Variants in COTL1 observed in about 807,000 individuals in gnomAD.
COTL1 encodes coactosin-like protein.
A neutral mutation model predicts 16.5 loss-of-function variants in COTL1; 15 were observed. The observed-to-expected ratio is 0.91, with a 90% CI of 0.61 to 1.40. The LOEUF (loss-of-function observed/expected upper bound fraction) is 1.40, where lower values mean the gene tolerates loss of function less well. Ranked by LOEUF, COTL1 falls within the 40% of genes most tolerant of loss-of-function variation. COTL1 has a pLI of 0.00. For missense variants in COTL1, 220 were observed against 201.5 expected, an observed-to-expected ratio of 1.09 and a Z score of -0.56; for synonymous variants, 112 against 85.3, an observed-to-expected ratio of 1.31 and a Z score of -1.73.
In COTL1 at chr16:84,590,123, C is replaced by A. The variant is rs368024557; in HGVS notation, c.300G>T (p.Leu100=). ...TCAGTACCTGTACGACCTCCTTCAC[C>A]AGGGTCTTGTCCGTCCCGGTTTTGG... The part of the protein sequence containing the change: ...QRAKTGTDKT[L]VKEVVQNFAK... Residue 100 remains leucine, a synonymous_variant, in exon 3 of 4, where the codon CTG becomes CTT. Coordinates refer to ENST00000262428, the MANE Select transcript of COTL1 (RefSeq NM_021149.5). This position sits in a 1 kb window ranked among gnomAD's most constrained non-coding sequence, Gnocchi z 5.5. The A allele has an allele frequency of 1.9e-6, 3 of 1,613,816 alleles. No individual in the cohort carries two copies. The highest frequency in any genetic ancestry group is 2.5e-6 in the Non-Finnish European group (3 of 1,179,740).
chr16:84,575,958 G>C (rs1234289097), intron 3 of COTL1: 1 of 152,276 alleles, frequency 6.6e-6, no homozygotes, highest in Non-Finnish European at 1.5e-5. Context: ...CTACAGGACT[G>C]TGGGTTCACC....
intron 3 of COTL1, among the ~76,000 whole-genome samples, chr16:84,585,947 C>G (rs77981196): frequency 1.1e-3 from 160 of 152,360 alleles, no homozygotes; most frequent in African/African-American, 3.7e-3. Flanking sequence ...ACCAGCATCC[C>G]TTTCTCTAAC....
intron 3 of COTL1, among the ~76,000 whole-genome samples, chr16:84,570,240 C>A (rs1271266227): frequency 6.6e-6 from 1 of 152,198 alleles, no homozygotes; most frequent in Non-Finnish European, 1.5e-5. Flanking sequence ...GGCGCCACTG[C>A]ACTCCAGCCT....
chr16:84,612,156 A>C (rs2966306), intron 2 of COTL1, among the ~76,000 whole-genome samples: 140,019 of 152,196 alleles, frequency 0.92, 65,198 homozygotes, highest in Non-Finnish European at 1. Flanking sequence ...CTATGTCCCA[A>C]GCAGCATAAG....
intron 3 of COTL1, among the ~76,000 whole-genome samples, chr16:84,581,079 C>G (rs1019528390): frequency 6.6e-6 from 1 of 151,790 alleles, no homozygotes; most frequent in Non-Finnish European, 1.5e-5. Flanking sequence ...GAGACGGAGG[C>G]TGCAGTGAGC....
chr16:84,596,518 C>T (rs745652671), intron 2 of COTL1: 8 of 152,290 alleles, frequency 5.3e-5, no homozygotes, highest in Non-Finnish European at 4.4e-5. Flanking sequence ...AAACTGCCCT[C>T]AGGGGTCCAC....
chr16:84,586,768 G>T (rs1444210414), intron 3 of COTL1, among the ~76,000 whole-genome samples: 1 of 151,872 alleles, frequency 6.6e-6, no homozygotes, highest in Admixed American at 6.6e-5. Context: ...GGTATTTTTA[G>T]TAGAGACGGG....
At chr16:84,586,136 C>A (rs760491855) in intron 3 of COTL1, among the ~76,000 whole-genome samples, 1 of 152,214 alleles carries the variant, frequency 6.6e-6, no homozygotes, top group Admixed American at 6.5e-5. Flanking sequence ...TGGACCGTTT[C>A]TTTGGCTGTG....
rs114409678 is a variant in COTL1, at chr16:84,579,961, C to T, written c.318+10144G>A. 6.6e-3 allele frequency among the ~76,000 whole-genome samples: 1,010 copies of T among 152,344 alleles called. 20 individuals carry two copies. The highest frequency in any genetic ancestry group is 0.023 in the African/African-American group (968 of 41,590). On this transcript the variant is annotated intron_variant, in intron 3 of 3. Transcript: ENST00000262428. Reference sequence around the variant, plus strand: ...ATTTCTTCAGGTTAAGACCTGTACACGTTCGAATGCTGCATCCTCACGGCA... The same window carrying T: ...ATTTCTTCAGGTTAAGACCTGTACATGTTCGAATGCTGCATCCTCACGGCA...
intron 2 of COTL1, among the ~76,000 whole-genome samples, chr16:84,601,699 C>A (rs1182769626): frequency 6.6e-6 from 1 of 152,204 alleles, no homozygotes; most frequent in East Asian, 1.9e-4. Context: ...CGTGATCCCC[C>A]CATCCTGGCC....
chr16:84,603,618 T>A (rs1905147398), intron 2 of COTL1, among the ~76,000 whole-genome samples: 1 of 152,044 alleles, frequency 6.6e-6, no homozygotes, highest in South Asian at 2.1e-4. Flanking sequence ...CAAGGCGGCC[T>A]TGGGACCAAC....
At chr16:84,568,050 TGCAGTGGC>T (rs1427393570) in intron 3 of COTL1, 1 of 152,018 alleles carries the variant, frequency 6.6e-6, no homozygotes, top group Non-Finnish European at 1.5e-5. Context: ...CAGGCTGGAG[TGCAGTGGC>T]GCAATCTTGG....
intron 2 of COTL1, among the ~76,000 whole-genome samples, chr16:84,602,210 G>C (rs915967881): frequency 5.6e-4 from 20 of 35,796 alleles, no homozygotes; most frequent in African/African-American, 1.5e-3. Context: ...AATGGGGGTG[G>C]GGGGGGTGCC....
intron 2 of COTL1, among the ~76,000 whole-genome samples, chr16:84,614,188 T>G (rs1905407986): frequency 6.6e-6 from 1 of 152,172 alleles, no homozygotes; most frequent in Non-Finnish European, 1.5e-5. Flanking sequence ...CTCACCGCCC[T>G]CGCAAGGTCT....
intron 3 of COTL1, among the ~76,000 whole-genome samples, chr16:84,570,032 C>T (rs1365982826): frequency 6.6e-6 from 1 of 152,140 alleles, no homozygotes; most frequent in Non-Finnish European, 1.5e-5. Flanking sequence ...AATCCCAGCA[C>T]TTTGGGAGGC....
chr16:84,576,122 T>A (rs1793670634), intron 3 of COTL1: 1 of 152,218 alleles, frequency 6.6e-6, no homozygotes, highest in South Asian at 2.1e-4. Flanking sequence ...AATAACCAAG[T>A]CAGTGAAACT....
intron 2 of COTL1, among the ~76,000 whole-genome samples, chr16:84,612,286 A>G (rs777744184): frequency 6.6e-6 from 1 of 152,002 alleles, no homozygotes. Context: ...ACAAAACCCA[A>G]ACCTTGAACT....
chr16:84,613,223 C>G (rs1238521230), intron 2 of COTL1, among the ~76,000 whole-genome samples: 2 of 152,096 alleles, frequency 1.3e-5, no homozygotes, highest in African/African-American at 4.8e-5. Flanking sequence ...TGGTCTCGAA[C>G]TCCTGACCTC....
intron 3 of COTL1, among the ~76,000 whole-genome samples, chr16:84,574,101 G>A (rs539135197): frequency 3.3e-4 from 51 of 152,240 alleles, no homozygotes; most frequent in African/African-American, 1.1e-3. Flanking sequence ...CTGGGAGGTC[G>A]AGGCTGCCGT....
Sources: allele counts gnomAD v4.1 joint callset (sites outside exome capture counted in the v4.1 genomes callset), GRCh38; gene constraint gnomAD v4.1.1; non-coding constraint Gnocchi (gnomAD v3.1); transcripts MANE v1.5; gene names NCBI Gene and HGNC (gene_info 2026-07-23, HGNC 2026-07-21).